OPCML: variants seen among roughly 807,000 people sequenced by gnomAD.
OPCML encodes opioid-binding protein/cell adhesion molecule.
A neutral mutation model predicts 37.8 loss-of-function variants in OPCML; 13 were observed. That is an observed-to-expected ratio of 0.34 (90% CI 0.22 to 0.55). The LOEUF is 0.55. Among genes scored for constraint, OPCML ranks in the 20% least tolerant of loss-of-function variants. The pLI is 0.91. For missense variants in OPCML, 341 were observed against 435.6 expected (o/e 0.78, Z 1.93); for synonymous variants, 176 against 168.8 (o/e 1.04, Z -0.33).
chr11:132,924,976 C>T (rs997969291), intron 2 of OPCML, among the ~76,000 whole-genome samples: 2 of 152,302 alleles, frequency 1.3e-5, no homozygotes, highest in Non-Finnish European at 2.9e-5. Flanking sequence ...TTTCTCTTTG[C>T]TTTTCAGTTT....
intron 2 of OPCML, among the ~76,000 whole-genome samples, chr11:132,894,610 A>T (rs1943768061): frequency 6.6e-6 from 1 of 152,166 alleles, no homozygotes; most frequent in Non-Finnish European, 1.5e-5. Flanking sequence ...TCCAGAGGAG[A>T]TTGGCATGTG....
At chr11:133,027,588 G>A (rs1947581279) in intron 1 of OPCML, among the ~76,000 whole-genome samples, 2 of 146,202 alleles carry the variant, frequency 1.4e-5, no homozygotes, top group Admixed American at 1.4e-4. Context: ...GTTATGTGTG[G>A]TGTATGTGTG....
chr11:132,863,137 C>T (rs145674203), intron 2 of OPCML, among the ~76,000 whole-genome samples: 294 of 152,076 alleles, frequency 1.9e-3, no homozygotes, highest in Non-Finnish European at 3.3e-3. Context: ...TGGCATGGGG[C>T]GTGATCAGAC....
chr11:133,031,072 C>A (rs1315969625), intron 1 of OPCML, among the ~76,000 whole-genome samples: 2 of 152,172 alleles, frequency 1.3e-5, no homozygotes, highest in African/African-American at 4.8e-5. Context: ...TAAGCACGGG[C>A]TTTGTTAAAA....
rs35418402 is a variant in OPCML, at chr11:133,287,539, G to GA, written c.61+244724dup. ...CTGATTTCTTTCATGGGAATGTTCA[G>GA]AAAAAAAAAAAAAAAAGACCAACAA... On this transcript the variant is annotated intron_variant, in intron 1 of 7. Transcript: ENST00000524381. 8.1e-3 allele frequency among the ~76,000 whole-genome samples: 927 copies of GA among 115,036 alleles called. 3 individuals carry two copies. The highest frequency in any genetic ancestry group is 0.017 in the African/African-American group (549 of 33,142). The allele number at this position is 115,036 out of a possible 152,430, so 75.5% of individuals were successfully genotyped here.
chr11:132,721,498 G>T (rs928184288), intron 2 of OPCML, among the ~76,000 whole-genome samples: 1 of 152,168 alleles, frequency 6.6e-6, no homozygotes, highest in Non-Finnish European at 1.5e-5. Flanking sequence ...TCGGGAAGAG[G>T]CAAGGACCTC....
In OPCML at chr11:132,953,783, G is replaced by A. The variant is rs7129852; in HGVS notation, c.62-10773C>T. Reference sequence around the variant, plus strand: ...TGGACCTGCCCCCTGAGAGCTGGGGGTCCCCAGCAATGGACCAAGCTTCTC... The same window carrying A: ...TGGACCTGCCCCCTGAGAGCTGGGGATCCCCAGCAATGGACCAAGCTTCTC... On this transcript the variant is annotated intron_variant, in intron 1 of 7. Coordinates refer to ENST00000524381, the MANE Select transcript of OPCML (RefSeq NM_001012393.5). 7.9e-3 allele frequency among the ~76,000 whole-genome samples: 1,202 copies of A among 152,236 alleles called. 19 individuals are homozygous for A. The highest frequency in any genetic ancestry group is 0.028 in the African/African-American group (1,144 of 41,542).
Position 132,436,532 on chromosome 11 carries a change from A to G in OPCML, c.764+127T>C, listed in dbSNP as rs183628529. ...TCGTTGTAAAAATAGACTTTGTTAC[A>G]AAAGAGGGCATAGTATATTTCTGTT... On this transcript the variant is annotated intron_variant, in intron 6 of 7. Coordinates refer to ENST00000524381, the MANE Select transcript of OPCML (RefSeq NM_001012393.5). 2.3e-4 allele frequency: 337 copies of G among 1,474,282 alleles called. 2 individuals are homozygous for G. In the African/African-American group the frequency reaches 4.1e-3, roughly 18 times the overall value. The allele number at this position is 1,474,282 out of a possible 1,614,324, so 91.3% of individuals were successfully genotyped here.
At chr11:133,128,962 C>A (rs1309897878) in intron 1 of OPCML, among the ~76,000 whole-genome samples, 1 of 152,170 alleles carries the variant, frequency 6.6e-6, no homozygotes, top group Non-Finnish European at 1.5e-5. Context: ...AGAATATCTA[C>A]AGCAATCATC....
chr11:133,169,439 C>T (rs142572703), intron 1 of OPCML, among the ~76,000 whole-genome samples: 239 of 152,292 alleles, frequency 1.6e-3, no homozygotes, highest in African/African-American at 5.6e-3. Flanking sequence ...CTAATCTCTG[C>T]CAATTTTCAG....
At chr11:133,478,292 C>G (rs76036684) in intron 1 of OPCML, among the ~76,000 whole-genome samples, 3,269 of 152,262 alleles carry the variant, frequency 0.021, 78 homozygotes, top group South Asian at 0.079. Flanking sequence ...TCTCCCCTGC[C>G]TCTCCCTCCA....
chr11:133,307,979 G>A (rs1332553032), intron 1 of OPCML, among the ~76,000 whole-genome samples: 1 of 151,626 alleles, frequency 6.6e-6, no homozygotes, highest in Non-Finnish European at 1.5e-5. Flanking sequence ...TCTGAATCAT[G>A]TTTAGTGTAA....
intron 2 of OPCML, among the ~76,000 whole-genome samples, chr11:132,823,131 T>C (rs1940089179): frequency 6.6e-6 from 1 of 152,186 alleles, no homozygotes; most frequent in Non-Finnish European, 1.5e-5. Context: ...AGAGGGCACC[T>C]GAGTCTACCT....
chr11:132,573,461 C>T (rs112369071), intron 3 of OPCML, among the ~76,000 whole-genome samples: 42 of 152,048 alleles, frequency 2.8e-4, no homozygotes, highest in Middle Eastern at 6.8e-3. Flanking sequence ...GTATTTATCA[C>T]GAAAGGACAT....
At chr11:133,175,424 A>G (rs934120713) in intron 1 of OPCML, among the ~76,000 whole-genome samples, 2 of 151,716 alleles carry the variant, frequency 1.3e-5, no homozygotes, top group African/African-American at 4.8e-5. Context: ...GTGTTATTAA[A>G]GATGTTTATA....
chr11:132,691,591 T>C (rs1031469541), intron 2 of OPCML, among the ~76,000 whole-genome samples: 1 of 152,166 alleles, frequency 6.6e-6, no homozygotes, highest in East Asian at 1.9e-4. Flanking sequence ...GCCTGGACCA[T>C]CCAGTGACAG....
At chr11:132,487,649 T>C (rs889508818) in intron 4 of OPCML, among the ~76,000 whole-genome samples, 1 of 152,126 alleles carries the variant, frequency 6.6e-6, no homozygotes, top group Admixed American at 6.5e-5. Context: ...GGACCCAGCT[T>C]GGGGTTTTCC....
At chr11:133,285,461 G>A (rs530515595) in intron 1 of OPCML, among the ~76,000 whole-genome samples, 2 of 152,246 alleles carry the variant, frequency 1.3e-5, no homozygotes, top group South Asian at 2.1e-4. Context: ...TTGTTGTGCC[G>A]GTCTGTTTTA....
chr11:132,774,655 A>G (rs1329953075), intron 2 of OPCML, among the ~76,000 whole-genome samples: 1 of 152,174 alleles, frequency 6.6e-6, no homozygotes, highest in African/African-American at 2.4e-5. Flanking sequence ...AAATTAGAAT[A>G]ACTGGCTCCC....
Sources: gnomAD v4.1 joint callset for allele counts (sites outside exome capture counted in the v4.1 genomes callset) on GRCh38, gnomAD v4.1.1 for gene constraint, MANE v1.5 for transcripts, NCBI Gene and HGNC (gene_info 2026-07-23, HGNC 2026-07-21) for gene names.